The following ABCB5 variants were observed in gnomAD, a reference collection of about 807,000 sequenced individuals.
ABCB5 encodes the protein ATP-binding cassette sub-family B member 5.
In ABCB5, 155 loss-of-function variants were observed where a neutral mutation model predicts 144.2. That is an observed-to-expected ratio of 1.08 (90% CI 0.94 to 1.23). ABCB5 has a LOEUF of 1.23. Ranked by LOEUF, ABCB5 falls within the 50% of genes most tolerant of loss-of-function variation. ABCB5 has a pLI of 0.00. For synonymous variants in ABCB5, 610 were observed against 528.6 expected, an observed-to-expected ratio of 1.15 and a Z score of -2.11; for missense variants, 1,830 against 1,520.8, an observed-to-expected ratio of 1.20 and a Z score of -3.38.
intron 5 of ABCB5, among the ~76,000 whole-genome samples, chr7:20,636,269 T>C: frequency 6.6e-6 from 1 of 152,172 alleles, no homozygotes; most frequent in East Asian, 1.9e-4. Context: ...AGCAGGGCTC[T>C]GATGTACAGT....
At chr7:20,710,192 T>A (rs1203101568) in intron 20 of ABCB5, among the ~76,000 whole-genome samples, 2 of 147,656 alleles carry the variant, frequency 1.4e-5, no homozygotes, top group South Asian at 4.4e-4. Flanking sequence ...CTGGCCAACA[T>A]GGTGAGACCG....
At chr7:20,630,854 T>C (rs1417673914) in intron 4 of ABCB5, among the ~76,000 whole-genome samples, 1 of 89,174 alleles carries the variant, frequency 1.1e-5, no homozygotes, top group Admixed American at 1.1e-4. Flanking sequence ...ATTCTAATTT[T>C]TCTTGTTGTT....
At chr7:20,635,984 A>G (rs1459107530) in intron 5 of ABCB5, among the ~76,000 whole-genome samples, 2 of 152,206 alleles carry the variant, frequency 1.3e-5, no homozygotes, top group Non-Finnish European at 2.9e-5. Context: ...CATGTCAAGC[A>G]TTAATAATTA....
At chr7:20,750,592 C>G (rs1341352954) in intron 26 of ABCB5, among the ~76,000 whole-genome samples, 5 of 152,132 alleles carry the variant, frequency 3.3e-5, no homozygotes, top group Non-Finnish European at 7.4e-5. Context: ...TCCCCAGATC[C>G]TTCTGGGGGT....
chr7:20,655,060 A>G (rs1476416389), intron 13 of ABCB5, among the ~76,000 whole-genome samples: 1 of 151,270 alleles, frequency 6.6e-6, no homozygotes, highest in Admixed American at 6.6e-5. Context: ...AAAAAAAAAA[A>G]GTATAACTGT....
chr7:20,667,009 G>A (rs994399528), intron 14 of ABCB5: 3 of 684,370 alleles, frequency 4.4e-6, no homozygotes, highest in Non-Finnish European at 6.2e-6. Context: ...GAGTATATCG[G>A]TTTTAGGTCA....
intron 20 of ABCB5, among the ~76,000 whole-genome samples, chr7:20,718,784 A>C (rs1781769280): frequency 6.6e-6 from 1 of 152,156 alleles, no homozygotes; most frequent in South Asian, 2.1e-4. Context: ...CTGTTACTAT[A>C]ATCATTTATT....
intron 7 of ABCB5, among the ~76,000 whole-genome samples, chr7:20,644,604 A>G (rs1000961604): frequency 6.6e-6 from 1 of 152,212 alleles, no homozygotes; most frequent in Non-Finnish European, 1.5e-5. Context: ...CAACAAATGT[A>G]TCTGTAATAT....
At chr7:20,618,332 C>T (rs1160873373) in intron 1 of ABCB5, among the ~76,000 whole-genome samples, 1 of 152,088 alleles carries the variant, frequency 6.6e-6, no homozygotes, top group African/African-American at 2.4e-5. Context: ...TTGTACTTAC[C>T]ATAATACTTT....
intron 26 of ABCB5, among the ~76,000 whole-genome samples, chr7:20,747,382 C>A (rs1164279179): frequency 6.6e-6 from 1 of 152,098 alleles, no homozygotes; most frequent in African/African-American, 2.4e-5. Context: ...CTGAGTCTCC[C>A]GAATAGGTGG....
At chr7:20,721,543 T>C (rs1320311271) in intron 20 of ABCB5, among the ~76,000 whole-genome samples, 1 of 152,188 alleles carries the variant, frequency 6.6e-6, no homozygotes, top group African/African-American at 2.4e-5. Flanking sequence ...TGTCTTCCCT[T>C]CTGCCCTACT....
At chr7:20,723,245 C>T (rs377424435) in intron 21 of ABCB5, 26 bp downstream of exon 21, 22 of 1,605,922 alleles carry the variant, frequency 1.4e-5, no homozygotes, top group East Asian at 4.5e-5. Context: ...TTATCACCAT[C>T]GTAACATTTA....
chr7:20,671,364 TA>T (rs1785454838), intron 14 of ABCB5, among the ~76,000 whole-genome samples: 1 of 152,216 alleles, frequency 6.6e-6, no homozygotes, highest in Non-Finnish European at 1.5e-5. Flanking sequence ...AAACTGTACA[TA>T]TTAAAACATA....
intron 20 of ABCB5, among the ~76,000 whole-genome samples, chr7:20,708,730 C>A (rs1786909642): frequency 6.6e-6 from 1 of 152,090 alleles, no homozygotes; most frequent in Non-Finnish European, 1.5e-5. Context: ...AAAATATATG[C>A]TGACAAATAA....
intron 7 of ABCB5, among the ~76,000 whole-genome samples, chr7:20,644,044 A>G (rs1784351785): frequency 6.6e-6 from 1 of 152,058 alleles, no homozygotes; most frequent in Non-Finnish European, 1.5e-5. Flanking sequence ...AAAACAATAA[A>G]CATCTTTTTA....
At chr7:20,671,959 C>T in intron 14 of ABCB5, among the ~76,000 whole-genome samples, 1 of 152,232 alleles carries the variant, frequency 6.6e-6, no homozygotes, top group Middle Eastern at 3.2e-3. Flanking sequence ...TACTCCACAA[C>T]TTGCCCACAC....
In ABCB5 at chr7:20,685,706, A is replaced by C; in HGVS notation, c.1880A>C (p.Lys627Thr). ...YSLVMSQDIK[K>T]ADEQMESMTY... ...TATTCTTCCTGTAAGGATATTAAAA[A>C]AGCTGATGAACAGATGGAGTCAATG... The change falls in exon 16 of 28, where the codon AAA becomes ACA. Residue 627 changes from lysine to threonine, a missense_variant. Coordinates refer to ENST00000404938, the MANE Select transcript of ABCB5 (RefSeq NM_001163941.2). 6.2e-7 allele frequency: 1 copy of C among 1,605,518 alleles called. No individual in the cohort carries two copies. The highest frequency in any genetic ancestry group is 1.1e-5 in the South Asian group (1 of 89,042).
At chr7:20,642,524 C>CTAT (rs1394757375) in intron 5 of ABCB5, among the ~76,000 whole-genome samples, 2 of 152,094 alleles carry the variant, frequency 1.3e-5, no homozygotes, top group Non-Finnish European at 2.9e-5. Context: ...CTAGAAAAAC[C>CTAT]TATTTTTTTT....
rs561770049 is a variant in ABCB5 at position 20,710,831 on chromosome 7, A to G, written c.2421+6024A>G. Among the ~76,000 whole-genome samples the G allele has an allele frequency of 5.3e-5, 8 of 150,238 alleles. No individual in the cohort carries two copies. In the South Asian group the frequency reaches 1.7e-3, roughly 32 times the overall value. Reference sequence around the variant, plus strand: ...CATTTTGCAATTTGCTCTTTATTCCATATGTTCTTTGCACAGTTTTCCTAT... The same window carrying G: ...CATTTTGCAATTTGCTCTTTATTCCGTATGTTCTTTGCACAGTTTTCCTAT... On this transcript the variant is annotated intron_variant, in intron 20 of 27. Coordinates refer to ENST00000404938, the MANE Select transcript of ABCB5 (RefSeq NM_001163941.2).
Sources: gnomAD v4.1 joint callset for allele counts (sites outside exome capture counted in the v4.1 genomes callset) on GRCh38, gnomAD v4.1.1 for gene constraint, MANE v1.5 for transcripts, NCBI Gene and HGNC (gene_info 2026-07-23, HGNC 2026-07-21) for gene names.